Variants in RAB11FIP5 observed in about 807,000 individuals in gnomAD.
RAB11FIP5 encodes the protein RAB11 family interacting protein 5, also known as rab11 family-interacting protein 5.
In RAB11FIP5, 48 loss-of-function variants were observed where a neutral mutation model predicts 85.1. The observed-to-expected ratio is 0.56, with a 90% CI of 0.45 to 0.72. The LOEUF is 0.72. Among genes scored for constraint, RAB11FIP5 ranks in the 30% least tolerant of loss-of-function variants. The pLI is 0.00. For synonymous variants in RAB11FIP5, 729 were observed against 727.3 expected (o/e 1.00, Z -0.04); for missense variants, 1,491 against 1,687.0 (o/e 0.88, Z 2.04).
At position 73,081,167 on chromosome 2, in the gene RAB11FIP5, T is replaced by C; in HGVS notation, c.2065A>G (p.Met689Val). The C allele has an allele frequency of 8.1e-7, 1 of 1,232,670 alleles. No individual in the cohort carries two copies. Among genetic ancestry groups the C allele is most frequent in the Non-Finnish European group, 1.0e-6 (1 of 988,416 alleles). 76.4% of individuals were successfully genotyped at this position (1,232,670 alleles called of 1,614,324 possible). A position where few individuals can be genotyped will look rare whatever the true frequency, so the allele number is the denominator to read the frequency against. ...TGGGGCTCAGCTGCCTTCGCAGTCA[T>C]GGCCCCAGGGCCTGGGTCTTGCAGC... The part of the protein sequence containing the change: ...AGLQDPGPGA[M>V]TAKAAEPQGE... The change falls in exon 4 of 6, where the codon ATG becomes GTG. Residue 689 changes from methionine to valine, a missense_variant. Physicochemically the swap from Met to Val is conservative, Grantham distance 21. Coordinates refer to ENST00000486777, the MANE Select transcript of RAB11FIP5 (RefSeq NM_001371272.1). This position sits in a 1 kb window ranked among gnomAD's most constrained non-coding sequence, Gnocchi z 4.2.
intron 1 of RAB11FIP5, among the ~76,000 whole-genome samples, chr2:73,093,631 G>A (rs919067047): frequency 4.6e-5 from 7 of 152,188 alleles, no homozygotes; most frequent in African/African-American, 1.4e-4. Flanking sequence ...CTCAGCCTCC[G>A]CTTCCTTGGC....
Position 73,080,046 on chromosome 2 carries a change from G to C in RAB11FIP5, c.3186C>G (p.Ala1062=), listed in dbSNP as rs1372148397. The change falls in exon 4 of 6, where the codon GCC becomes GCG. Residue 1062 remains alanine, a synonymous_variant. Coordinates refer to ENST00000486777, the MANE Select transcript of RAB11FIP5 (RefSeq NM_001371272.1). ...QADVWVSKED[A]LNPFLFQGSR... is the part of the protein sequence containing the mutation. ...TCCCCTGAAACAAGAAGGGGTTCAA[G>C]GCATCTTCCTTGGAGACCCACACAT... 3.2e-6 allele frequency: 4 copies of C among 1,232,128 alleles called. No homozygotes were observed. The highest frequency in any genetic ancestry group is 4.0e-6 in the Non-Finnish European group (4 of 988,068). 76.3% of individuals were successfully genotyped at this position (1,232,128 alleles called of 1,614,324 possible).
chr2:73,075,842 G>C lies in RAB11FIP5; in HGVS notation c.3772-118C>G. On this transcript the variant is annotated intron_variant, in intron 5 of 5. Coordinates refer to ENST00000486777, the MANE Select transcript of RAB11FIP5 (RefSeq NM_001371272.1). This position sits in a 1 kb window ranked among gnomAD's most constrained non-coding sequence, Gnocchi z 4.6. Reference sequence around the variant, plus strand: ...TAAGTTTCACCACCACAGGGCCCCAGGCTGCCTGTCTCCAAAGTCAGAGCC... The same window carrying C: ...TAAGTTTCACCACCACAGGGCCCCACGCTGCCTGTCTCCAAAGTCAGAGCC... 1 of 1,454,750 alleles carries C rather than the reference G, an allele frequency of 6.9e-7. No homozygotes were observed. The highest frequency in any genetic ancestry group is 9.4e-7 in the Non-Finnish European group (1 of 1,068,468). The allele number at this position is 1,454,750 out of a possible 1,614,324, so 90.1% of individuals were successfully genotyped here. A position where few individuals can be genotyped will look rare whatever the true frequency, so the allele number is the denominator to read the frequency against.
At chr2:73,093,993 C>T (rs192740295) in intron 1 of RAB11FIP5, among the ~76,000 whole-genome samples, 1 of 152,052 alleles carries the variant, frequency 6.6e-6, no homozygotes, top group Admixed American at 6.6e-5. Context: ...TGGTGGCACA[C>T]GTTTGTAATC....
At chr2:73,105,537 C>G (rs531950186) in intron 1 of RAB11FIP5, among the ~76,000 whole-genome samples, 4 of 151,990 alleles carry the variant, frequency 2.6e-5, no homozygotes, top group African/African-American at 9.7e-5. Flanking sequence ...GCCACCACAC[C>G]CAGCCCTCAC....
chr2:73,088,955 GCTCCC>G lies in RAB11FIP5; in HGVS notation c.787_791del (p.Gly263LeufsTer18). 6.2e-7 allele frequency: 1 copy of G among 1,612,878 alleles called. No individual in the cohort carries two copies. Among genetic ancestry groups the G allele is most frequent in the Non-Finnish European group, 8.5e-7 (1 of 1,179,294 alleles). ...CGGCGCCAGGTCCCTGGTAGGCCAA[GCTCCC>G]GCTGGCTGAGGACAGGGTGCTGTCC... On this transcript the variant is annotated frameshift_variant, in exon 2 of 6. Coordinates refer to ENST00000486777, the MANE Select transcript of RAB11FIP5 (RefSeq NM_001371272.1). LOFTEE classifies it high-confidence loss of function.
rs1683989022 is a variant in RAB11FIP5 at position 73,081,735 on chromosome 2, C to T, written c.1569-72G>A. On this transcript the variant is annotated intron_variant, in intron 3 of 5. Transcript: ENST00000486777. The surrounding 1 kb of genome is among the most constrained non-coding windows in gnomAD (Gnocchi z 4.2). The stretch of plus-strand genomic sequence containing the variant: ...TGGAAAGGCCCCTGAGTCCCACGCC[C>T]CACCCCCTGCTTCGGGACCAGGGGC... The T allele has an allele frequency of 8.4e-7, 1 of 1,193,820 alleles. No homozygotes were observed. Among genetic ancestry groups the T allele is most frequent in the Non-Finnish European group, 1.0e-6 (1 of 953,350 alleles). The allele number at this position is 1,193,820 out of a possible 1,614,324, so 74.0% of individuals were successfully genotyped here.
At position 73,080,005 on chromosome 2, in the gene RAB11FIP5, C is replaced by A; in HGVS notation, c.3227G>T (p.Ser1076Ile). Reference protein sequence around the residue: ...FLFQGSRDPPSLSSASPPGSR... With the variant: ...FLFQGSRDPPILSSASPPGSR... ...CCCTGGCGGGGATGCAGATGAGAGG[C>A]TGGGAGGATCTCGGCTCCCCTGAAA... Residue 1076 changes from serine (S) to isoleucine (I), a missense_variant, in exon 4 of 6, where the codon AGC (serine) becomes ATC (isoleucine). Ser to Ile is a moderately radical substitution (Grantham distance 142). Transcript: ENST00000486777. 1 of 1,232,192 alleles carries A rather than the reference C, an allele frequency of 8.1e-7. No homozygotes were observed. The highest frequency in any genetic ancestry group is 1.0e-6 in the Non-Finnish European group (1 of 988,032). 76.3% of individuals were successfully genotyped at this position (1,232,192 alleles called of 1,614,324 possible).
chr2:73,106,805 T>C (rs1334706053), intron 1 of RAB11FIP5, among the ~76,000 whole-genome samples: 1 of 152,130 alleles, frequency 6.6e-6, no homozygotes, highest in African/African-American at 2.4e-5. Context: ...TTGTCTGAGC[T>C]CTCTTCCAGC....
At chr2:73,110,408 G>A (rs1684613866) in intron 1 of RAB11FIP5, among the ~76,000 whole-genome samples, 1 of 152,086 alleles carries the variant, frequency 6.6e-6, no homozygotes, top group Non-Finnish European at 1.5e-5. Flanking sequence ...GTTAGGTCCA[G>A]TAAACTAGAG....
chr2:73,078,443 A>G lies in RAB11FIP5; in HGVS notation c.3581+1208T>C, dbSNP rs568528829. Among the ~76,000 whole-genome samples the G allele has an allele frequency of 5.4e-4, 82 of 152,298 alleles. 1 individual carries two copies. The East Asian group carries it at 0.016, about 29-fold the overall frequency. On this transcript the variant is annotated intron_variant, in intron 4 of 5. Transcript: ENST00000486777. This position sits in a 1 kb window ranked among gnomAD's most constrained non-coding sequence, Gnocchi z 4.4. ...AGGGCCAGCCGAGGACACTGCAACCACCAGCTCCCCCACATCCTCTCCCTC... is the reference window on the plus strand; with the variant it reads ...AGGGCCAGCCGAGGACACTGCAACCGCCAGCTCCCCCACATCCTCTCCCTC...
chr2:73,088,952 C>T lies in RAB11FIP5; in HGVS notation c.795G>A (p.Leu265=), dbSNP rs988192791. Residue 265 remains leucine (L), a synonymous_variant, in exon 2 of 6, where the codon TTG becomes TTA. Coordinates refer to ENST00000486777, the MANE Select transcript of RAB11FIP5 (RefSeq NM_001371272.1). ...DSTLSSASGS[L]AYQGPGAELL... ...GTTCGGCGCCAGGTCCCTGGTAGGC[C>T]AAGCTCCCGCTGGCTGAGGACAGGG... The T allele has an allele frequency of 3.7e-6, 6 of 1,612,300 alleles. No individual in the cohort carries two copies. Among genetic ancestry groups the T allele is most frequent in the Non-Finnish European group, 4.2e-6 (5 of 1,179,040 alleles).
Position 73,078,753 on chromosome 2 carries a change from C to G in RAB11FIP5, c.3581+898G>C, listed in dbSNP as rs1253031787. Among the ~76,000 whole-genome samples the G allele has an allele frequency of 3.9e-5, 6 of 152,192 alleles. No homozygotes were observed. Among genetic ancestry groups the G allele is most frequent in the Non-Finnish European group, 7.3e-5 (5 of 68,030 alleles). ...GTGCTGGAGCCTGCCCTGCTCTCCC[C>G]TCCCTTCACTCGGTCCTCCTAGAGC... On this transcript the variant is annotated intron_variant, in intron 4 of 5. Coordinates refer to ENST00000486777, the MANE Select transcript of RAB11FIP5 (RefSeq NM_001371272.1). This position sits in a 1 kb window ranked among gnomAD's most constrained non-coding sequence, Gnocchi z 4.4.
chr2:73,104,615 T>C (rs765229561), intron 1 of RAB11FIP5, among the ~76,000 whole-genome samples: 25 of 152,044 alleles, frequency 1.6e-4, no homozygotes, highest in Non-Finnish European at 2.9e-4. Flanking sequence ...GTAAAGAAAG[T>C]CCTGCTGTTT....
intron 1 of RAB11FIP5, among the ~76,000 whole-genome samples, chr2:73,097,835 C>T (rs1684351069): frequency 6.6e-6 from 1 of 152,214 alleles, no homozygotes; most frequent in African/African-American, 2.4e-5. Flanking sequence ...AGATGCCCAA[C>T]CAGATGTGGG....
chr2:73,078,764 CG>C lies in RAB11FIP5; in HGVS notation c.3581+886del, dbSNP rs1683909248. 6.6e-6 allele frequency among the ~76,000 whole-genome samples: 1 copy of C among 152,194 alleles called. No homozygotes were observed. Among genetic ancestry groups the C allele is most frequent in the African/African-American group, 2.4e-5 (1 of 41,434 alleles). On this transcript the variant is annotated intron_variant, in intron 4 of 5. Transcript: ENST00000486777. This position sits in a 1 kb window ranked among gnomAD's most constrained non-coding sequence, Gnocchi z 4.4. Reference sequence around the variant, plus strand: ...TGCCCTGCTCTCCCCTCCCTTCACTCGGTCCTCCTAGAGCGCTATCGTCCCA... The same window carrying C: ...TGCCCTGCTCTCCCCTCCCTTCACTCGTCCTCCTAGAGCGCTATCGTCCCA...
At chr2:73,106,424 G>A (rs1310868350) in intron 1 of RAB11FIP5, among the ~76,000 whole-genome samples, 3 of 152,176 alleles carry the variant, frequency 2.0e-5, no homozygotes, top group Non-Finnish European at 4.4e-5. Flanking sequence ...CCCTGTCTAG[G>A]CCCCAAAACA....
In RAB11FIP5 at chr2:73,088,521, C is replaced by G. The variant is rs1684138687; in HGVS notation, c.1097G>C (p.Gly366Ala). Residue 366 changes from glycine (G) to alanine (A), a missense_variant, in exon 3 of 6, where the codon GGC becomes GCC. This residue lies in a region of RAB11FIP5 where 1,211 missense variants were observed against 1,338.0 expected (regional missense o/e 0.91). Coordinates refer to ENST00000486777, the MANE Select transcript of RAB11FIP5 (RefSeq NM_001371272.1). ...CCGGGAAGAGACAGCTTGCAAGGAGCCAGAGGATGGAAGCGAGCCCGAGAT... is the reference window on the plus strand; with the variant it reads ...CCGGGAAGAGACAGCTTGCAAGGAGGCAGAGGATGGAAGCGAGCCCGAGAT... Reference protein sequence around the residue: ...SSISGSLPSSGSLQAVSSRFS... With the variant: ...SSISGSLPSSASLQAVSSRFS... 6.2e-7 allele frequency: 1 copy of G among 1,614,004 alleles called. No individual in the cohort carries two copies. The highest frequency in any genetic ancestry group is 1.3e-5 in the African/African-American group (1 of 75,066).
chr2:73,095,525 C>T (rs924044377), intron 1 of RAB11FIP5, among the ~76,000 whole-genome samples: 1 of 152,216 alleles, frequency 6.6e-6, no homozygotes, highest in Non-Finnish European at 1.5e-5. Flanking sequence ...AGAGAATGGC[C>T]AGAGCTGACC....
Sources: allele counts gnomAD v4.1 joint callset (sites outside exome capture counted in the v4.1 genomes callset), GRCh38; gene constraint gnomAD v4.1.1; regional missense constraint gnomAD v4.1.1; non-coding constraint Gnocchi (gnomAD v3.1); transcripts MANE v1.5; gene names NCBI Gene and HGNC (gene_info 2026-07-23, HGNC 2026-07-21).